CFAP92: variants seen among roughly 807,000 people sequenced by gnomAD.
CFAP92 encodes the protein uncharacterized protein CFAP92.
A neutral mutation model predicts 106.3 loss-of-function variants in CFAP92; 86 were observed. The ratio of observed to expected loss-of-function variants is 0.81; its 90% CI spans 0.68 to 0.97. The LOEUF (loss-of-function observed/expected upper bound fraction) is 0.97, where lower values mean the gene tolerates loss of function less well. Ranked by LOEUF, CFAP92 falls within the 50% of genes least tolerant of loss-of-function variation. CFAP92 has a pLI of 0.00. For synonymous variants in CFAP92, 477 were observed against 506.4 expected, an observed-to-expected ratio of 0.94 and a Z score of 0.78; for missense variants, 1,204 against 1,283.8, an observed-to-expected ratio of 0.94 and a Z score of 0.95.
chr3:128,992,635 C>G (rs1340417983), intron 2 of CFAP92, among the ~76,000 whole-genome samples: 1 of 151,748 alleles, frequency 6.6e-6, no homozygotes, highest in African/African-American at 2.4e-5. Flanking sequence ...AGTGCAATGG[C>G]GTGATCTCTG....
chr3:128,932,849 G>T lies in CFAP92; in HGVS notation c.2602C>A (p.Leu868Ile). 1 of 1,536,250 alleles carries T rather than the reference G, an allele frequency of 6.5e-7. No individual in the cohort carries two copies. The highest frequency in any genetic ancestry group is 1.4e-5 in the African/African-American group (1 of 73,170). ...EELTDEKLFA[L>I]PPQPAPNLED... The stretch of plus-strand genomic sequence containing the variant: ...AGATTGGGGGCAGGCTGAGGTGGTA[G>T]GGCAAACAGTTTCTCATCTGTGAGT... Residue 868 changes from leucine to isoleucine, a missense_variant, in exon 12 of 16, where the codon CTA (leucine) becomes ATA (isoleucine). Transcript: ENST00000645291.
chr3:128,922,990 A>G (rs1357015956), intron 12 of CFAP92, among the ~76,000 whole-genome samples: 5 of 152,242 alleles, frequency 3.3e-5, no homozygotes, highest in African/African-American at 9.6e-5. Context: ...ATCAGTGGAA[A>G]GTTTTACCCC....
At chr3:128,936,594 CCT>C (rs1448984507) in intron 10 of CFAP92, among the ~76,000 whole-genome samples, 1 of 152,158 alleles carries the variant, frequency 6.6e-6, no homozygotes, top group Non-Finnish European at 1.5e-5. Flanking sequence ...CCTGCTCCAA[CCT>C]GAAGCCAGTC....
chr3:129,006,191 C>A (rs1945066398), upstream of CFAP92, among the ~76,000 whole-genome samples: 1 of 152,248 alleles, frequency 6.6e-6, no homozygotes, highest in Admixed American at 6.5e-5. Flanking sequence ...TGCCTGTGTG[C>A]TTCGATTCAC....
chr3:128,956,994 A>AG lies in CFAP92; in HGVS notation c.1353+8516_1353+8517insC, dbSNP rs1553751694. Among the ~76,000 whole-genome samples, 423 of 129,050 alleles carry AG rather than the reference A, an allele frequency of 3.3e-3. 7 individuals carry two copies. The highest frequency in any genetic ancestry group is 0.01 in the African/African-American group (374 of 35,944). The allele number at this position is 129,050 out of a possible 152,430, so 84.7% of individuals were successfully genotyped here. A position where few individuals can be genotyped will look rare whatever the true frequency, so the allele number is the denominator to read the frequency against. On this transcript the variant is annotated intron_variant, in intron 9 of 15. Transcript: ENST00000645291. Reference sequence around the variant, plus strand: ...GACTCTCTCAAAAAAAAAAAAAAAAAAAAGAAATCAACCCCATTCTATACC... The same window carrying AG: ...GACTCTCTCAAAAAAAAAAAAAAAAAGAAAGAAATCAACCCCATTCTATACC...
At chr3:129,007,649 T>C (rs1374766652), upstream of CFAP92, among the ~76,000 whole-genome samples, 4 of 152,216 alleles carry the variant, frequency 2.6e-5, no homozygotes. Flanking sequence ...AAATAGACCC[T>C]TGGGGTTGGG....
chr3:128,945,207 G>T lies in CFAP92; in HGVS notation c.2122C>A (p.Arg708Ser), dbSNP rs778762657. 1 of 1,536,180 alleles carries T rather than the reference G, an allele frequency of 6.5e-7. No individual in the cohort carries two copies. Among genetic ancestry groups the T allele is most frequent in the Non-Finnish European group, 8.7e-7 (1 of 1,146,928 alleles). Reference sequence around the variant, plus strand: ...TGCTGCTGCTCCTGGACCCGCACACGCACCTTGAAGGCTGACAGGATCTGC... The same window carrying T: ...TGCTGCTGCTCCTGGACCCGCACACTCACCTTGAAGGCTGACAGGATCTGC... ...LQQILSAFKVRVRVQEQQHLD... is the reference protein window; with the variant it reads ...LQQILSAFKVSVRVQEQQHLD... The change falls in exon 10 of 16, where the codon CGT becomes AGT. Residue 708 changes from arginine to serine, a missense_variant. Arg to Ser is a moderately radical substitution (Grantham distance 110). Transcript: ENST00000645291.
At chr3:128,985,177 T>C (rs1254486344) in intron 4 of CFAP92, among the ~76,000 whole-genome samples, 1 of 152,170 alleles carries the variant, frequency 6.6e-6, no homozygotes, top group African/African-American at 2.4e-5. Context: ...CGTTTCACAG[T>C]GCTAGGCATA....
chr3:128,963,028 C>T lies in CFAP92; in HGVS notation c.1353+2483G>A, dbSNP rs1456957264. On this transcript the variant is annotated intron_variant, in intron 9 of 15. Coordinates refer to ENST00000645291, the MANE Select transcript of CFAP92 (RefSeq NM_001394090.1). ...CTTCACTTAGACTGACCCTGACACC[C>T]ATTAGGCTCAGCAAATTACCTGGGC... is the stretch of plus-strand genomic sequence containing the variant. 2.0e-5 allele frequency among the ~76,000 whole-genome samples: 3 copies of T among 152,320 alleles called. No individual in the cohort carries two copies. The East Asian group carries it at 5.8e-4, about 29-fold the overall frequency.
rs1326719804 is a variant in CFAP92 at position 128,956,185 on chromosome 3, AAAAAAAAAAAT to A, written c.1353+9315_1353+9325del. Among the ~76,000 whole-genome samples, 34 of 79,234 alleles carry A rather than the reference AAAAAAAAAAAT, an allele frequency of 4.3e-4. 1 individual carries two copies. The highest frequency in any genetic ancestry group is 1.7e-3 in the African/African-American group (18 of 10,696). 52.0% of individuals were successfully genotyped at this position (79,234 alleles called of 152,430 possible). A position where few individuals can be genotyped will look rare whatever the true frequency, so the allele number is the denominator to read the frequency against. On this transcript the variant is annotated intron_variant, in intron 9 of 15. Coordinates refer to ENST00000645291, the MANE Select transcript of CFAP92 (RefSeq NM_001394090.1). Reference sequence around the variant, plus strand: ...AGAATTATCAATAAAAAAATAAATTAAAAAAAAAAATAAAAAAAAAATAAAAAAATAAAAAA... The same window carrying A: ...AGAATTATCAATAAAAAAATAAATTAAAAAAAAAAATAAAAAAATAAAAAA...
chr3:128,910,630 C>T (rs1200821530), intron 15 of CFAP92: 24 of 1,167,086 alleles, frequency 2.1e-5, no homozygotes, highest in Non-Finnish European at 3.0e-5. Flanking sequence ...CTGTGCCAGG[C>T]CTTGTGACCC....
intron 12 of CFAP92, among the ~76,000 whole-genome samples, chr3:128,923,921 A>G (rs970320752): frequency 2.0e-5 from 3 of 152,198 alleles, no homozygotes; most frequent in Non-Finnish European, 4.4e-5. Context: ...AAGACAGCCA[A>G]TGGGTTGTCC....
chr3:129,022,063 C>T, the CFAP92 span, among the ~76,000 whole-genome samples: 1,383 of 152,250 alleles, frequency 9.1e-3, 29 homozygotes, highest in African/African-American at 0.031. Flanking sequence ...CAGAACTCAC[C>T]GTGTGCTGGT....
chr3:128,920,649 A>G (rs778453273), intron 12 of CFAP92, among the ~76,000 whole-genome samples: 7 of 152,152 alleles, frequency 4.6e-5, no homozygotes, highest in African/African-American at 1.7e-4. Context: ...GTCTTGGAAC[A>G]TGTCCGGCGT....
intron 4 of CFAP92, among the ~76,000 whole-genome samples, chr3:128,979,947 A>ATATATATATATATATATATATATATAT (rs1553758975): frequency 7.8e-6 from 1 of 128,304 alleles, no homozygotes; most frequent in African/African-American, 3.0e-5. Flanking sequence ...AAAGTATAAT[A>ATATATATATATATATATATATATATAT]ATATATATAT....
rs113637615 is a variant in CFAP92 at position 128,942,679 on chromosome 3, C to CTT, written c.2258+2390_2258+2391dup. Among the ~76,000 whole-genome samples, 690 of 146,500 alleles carry CTT rather than the reference C, an allele frequency of 4.7e-3. 9 individuals carry two copies. The highest frequency in any genetic ancestry group is 0.036 in the South Asian group (169 of 4,648). On this transcript the variant is annotated intron_variant, in intron 10 of 15. Coordinates refer to ENST00000645291, the MANE Select transcript of CFAP92 (RefSeq NM_001394090.1). ...TTTGCTACACACCACAAAACTCAAT[C>CTT]TTTTTTTTTTTTTGAGATGGAATCT... is the stretch of plus-strand genomic sequence containing the variant.
At chr3:128,969,338 G>A (rs1942608800) in intron 8 of CFAP92, 1 of 152,160 alleles carries the variant, frequency 6.6e-6, no homozygotes, top group South Asian at 2.1e-4. Context: ...TCTTCACACG[G>A]ACATGTAAGA....
At chr3:128,986,682 C>T (rs1292298333) in intron 4 of CFAP92, among the ~76,000 whole-genome samples, 1 of 152,194 alleles carries the variant, frequency 6.6e-6, no homozygotes, top group Admixed American at 6.5e-5. Context: ...AACCTGCCTC[C>T]AGTATTCCAG....
chr3:129,002,592 C>A, exon 1 of CFAP92: 1 of 545,638 alleles, frequency 1.8e-6, no homozygotes, highest in Non-Finnish European at 2.9e-6. Flanking sequence ...TCTGCTCCAC[C>A]GCCACATCAT....
Sources: allele counts gnomAD v4.1 joint callset (sites outside exome capture counted in the v4.1 genomes callset), GRCh38; gene constraint gnomAD v4.1.1; transcripts MANE v1.5; gene names NCBI Gene and HGNC (gene_info 2026-07-23, HGNC 2026-07-21).